The following CRB1 variants were observed in gnomAD, a reference collection of about 807,000 sequenced individuals.
CRB1 encodes the protein crumbs cell polarity complex component 1.
A neutral mutation model predicts 120.0 loss-of-function variants in CRB1; 83 were observed. The observed-to-expected ratio is 0.69, with a 90% CI of 0.58 to 0.83. CRB1 has a LOEUF of 0.83. CRB1 is among the 40% of genes least tolerant of loss of function. The probability of loss-of-function intolerance (pLI) is 0.00; values close to 1 mark genes in which losing one functional copy is unlikely to be tolerated. For missense variants in CRB1, 1,699 were observed against 1,687.6 expected, an observed-to-expected ratio of 1.01 and a Z score of -0.12; for synonymous variants, 625 against 612.5, an observed-to-expected ratio of 1.02 and a Z score of -0.30.
intron 5 of CRB1, among the ~76,000 whole-genome samples, chr1:197,363,617 C>A (rs987338812): frequency 1.3e-5 from 2 of 152,046 alleles, no homozygotes. Flanking sequence ...AAGGCCGGCT[C>A]GGCAGGAAGG....
At chr1:197,453,871 T>A (rs536356105) in intron 11 of CRB1, among the ~76,000 whole-genome samples, 8 of 142,238 alleles carry the variant, frequency 5.6e-5, no homozygotes, top group East Asian at 3.9e-4. Flanking sequence ...ATTAATATTA[T>A]TAATAATATA....
intron 5 of CRB1, among the ~76,000 whole-genome samples, chr1:197,383,922 G>A (rs1276401940): frequency 6.6e-6 from 1 of 152,164 alleles, no homozygotes; most frequent in South Asian, 2.1e-4. Context: ...TGGCTACTGA[G>A]CCTTAAAACC....
chr1:197,351,187 CAA>C (rs780090689), intron 4 of CRB1, among the ~76,000 whole-genome samples: 16,054 of 85,660 alleles, frequency 0.19, 1,151 homozygotes, highest in African/African-American at 0.3. Flanking sequence ...ACTAAAAATA[CAA>C]AAAAAAAAAA....
intron 11 of CRB1, among the ~76,000 whole-genome samples, chr1:197,475,011 A>G (rs764000866): frequency 1.3e-5 from 2 of 152,200 alleles, no homozygotes; most frequent in African/African-American, 4.8e-5. Context: ...TTACAAAAGC[A>G]TGGCCACACA....
intron 1 of CRB1, among the ~76,000 whole-genome samples, chr1:197,276,539 CAAAT>C (rs1341373941): frequency 6.6e-6 from 1 of 151,480 alleles, no homozygotes; most frequent in Non-Finnish European, 1.5e-5. Context: ...AGACAAAAAC[CAAAT>C]AAATAAGTAA....
intron 1 of CRB1, among the ~76,000 whole-genome samples, chr1:197,301,692 C>T (rs965332283): frequency 1.3e-5 from 2 of 152,004 alleles, no homozygotes; most frequent in South Asian, 2.1e-4. Context: ...AAAATAGCAA[C>T]ATTAACAAGA....
the CRB1 span, among the ~76,000 whole-genome samples, chr1:197,232,471 G>A: frequency 1.3e-5 from 2 of 152,160 alleles, 1 homozygote; most frequent in African/African-American, 4.8e-5. Flanking sequence ...GTCAGCAGAT[G>A]TGAGACACAG....
chr1:197,229,962 C>T, the CRB1 span, among the ~76,000 whole-genome samples: 7 of 152,136 alleles, frequency 4.6e-5, no homozygotes, highest in Non-Finnish European at 5.9e-5. Flanking sequence ...TATGTAATAA[C>T]AGTAGCAATA....
chr1:197,476,295 A>G (rs1667191855), intron 11 of CRB1, among the ~76,000 whole-genome samples: 1 of 151,492 alleles, frequency 6.6e-6, no homozygotes, highest in Non-Finnish European at 1.5e-5. Context: ...ATCTTGCTCC[A>G]CCTACTCCTC....
At chr1:197,415,744 G>A (rs1313831744) in intron 5 of CRB1, among the ~76,000 whole-genome samples, 1 of 143,646 alleles carries the variant, frequency 7.0e-6, no homozygotes, top group Non-Finnish European at 1.5e-5. Flanking sequence ...CCGGGTTGAC[G>A]CCATTCTCCT....
intron 5 of CRB1, among the ~76,000 whole-genome samples, chr1:197,373,747 A>T (rs571619854): frequency 1.3e-5 from 2 of 152,342 alleles, no homozygotes; most frequent in East Asian, 3.9e-4. Context: ...CAATGATGCC[A>T]GCAGCCTTAT....
intron 5 of CRB1, among the ~76,000 whole-genome samples, chr1:197,375,620 C>T (rs1039549540): frequency 6.6e-6 from 1 of 152,140 alleles, no homozygotes; most frequent in African/African-American, 2.4e-5. Flanking sequence ...TTGCCGCCTC[C>T]CAATTCCTGC....
chr1:197,292,759 C>A (rs1656267353), intron 1 of CRB1, among the ~76,000 whole-genome samples: 1 of 151,820 alleles, frequency 6.6e-6, no homozygotes, highest in African/African-American at 2.4e-5. Context: ...GTTCAGCATA[C>A]AAATATCAAT....
chr1:197,221,166 T>A, the CRB1 span, among the ~76,000 whole-genome samples: 2 of 152,112 alleles, frequency 1.3e-5, no homozygotes, highest in African/African-American at 4.8e-5. Flanking sequence ...AGAGGCCATG[T>A]TGGGTAGAGA....
intron 5 of CRB1, among the ~76,000 whole-genome samples, chr1:197,372,729 T>TA (rs1280343687): frequency 6.7e-6 from 1 of 149,018 alleles, no homozygotes; most frequent in Non-Finnish European, 1.5e-5. Context: ...AAAAAACAAA[T>TA]AAAAAAACTG....
At chr1:197,429,701 C>A in intron 8 of CRB1, 87 bp downstream of exon 8, 1 of 1,359,148 alleles carries the variant, frequency 7.4e-7, no homozygotes, top group Non-Finnish European at 1.0e-6. Flanking sequence ...AGAGTATAGA[C>A]AAAGCCAGTT....
At chr1:197,436,584 C>A (rs1460078687) in intron 9 of CRB1, among the ~76,000 whole-genome samples, 1 of 151,774 alleles carries the variant, frequency 6.6e-6, no homozygotes, top group Non-Finnish European at 1.5e-5. Flanking sequence ...AAAGGACAAT[C>A]TAAAGAATAT....
Position 197,429,463 on chromosome 1 carries a change from C to T in CRB1, c.2691C>T (p.His897=), listed in dbSNP as rs1664766595. ...TTTCTGCTCAGTCCAACCCCTGTCACAATGGAGGTGTTTGCCATTCCCGGT... is the reference window on the plus strand; with the variant it reads ...TTTCTGCTCAGTCCAACCCCTGTCATAATGGAGGTGTTTGCCATTCCCGGT... ...GDNSCKSNPC[H]NGGVCHSRWD... is the part of the protein sequence containing the mutation. Residue 897 remains histidine, a synonymous_variant, in exon 8 of 12, where the codon CAC becomes CAT. Transcript: ENST00000367400. The T allele has an allele frequency of 6.2e-7, 1 of 1,613,914 alleles. No homozygotes were observed. The highest frequency in any genetic ancestry group is 1.7e-5 in the Admixed American group (1 of 59,994).
chr1:197,429,571 T>G lies in CRB1; in HGVS notation c.2799T>G (p.Cys933Trp), dbSNP rs1334984837. Residue 933 changes from cysteine to tryptophan, a missense_variant, in exon 8 of 12, where the codon TGT (cysteine) becomes TGG (tryptophan). Physicochemically the swap from Cys to Trp is radical, Grantham distance 215 (BLOSUM62 -2). Transcript: ENST00000367400. ...TTCAGTGGTGTGGATTCAGCCCGTGTCCTCACGGAGCCCAGTGCCAGCCGG... is the reference window on the plus strand; with the variant it reads ...TTCAGTGGTGTGGATTCAGCCCGTGGCCTCACGGAGCCCAGTGCCAGCCGG... Reference protein sequence around the residue: ...EEVQWCGFSPCPHGAQCQPVL... With the variant: ...EEVQWCGFSPWPHGAQCQPVL... The G allele has an allele frequency of 1.2e-6, 2 of 1,614,044 alleles. No homozygotes were observed. The highest frequency in any genetic ancestry group is 2.7e-5 in the African/African-American group (2 of 75,018).
Sources: gnomAD v4.1 joint callset for allele counts (sites outside exome capture counted in the v4.1 genomes callset) on GRCh38, gnomAD v4.1.1 for gene constraint, MANE v1.5 for transcripts, NCBI Gene and HGNC (gene_info 2026-07-23, HGNC 2026-07-21) for gene names.